The following RNF130 variants were observed in gnomAD, a reference collection of about 807,000 sequenced individuals.
RNF130 encodes ring finger protein 130, also known as E3 ubiquitin-protein ligase RNF130.
Under a neutral mutation model 44.6 loss-of-function variants are expected in RNF130, and 21 were observed. That is an observed-to-expected ratio of 0.47 (90% CI 0.33 to 0.68). The LOEUF (loss-of-function observed/expected upper bound fraction) is 0.68. Among genes scored for constraint, RNF130 ranks in the 30% least tolerant of loss-of-function variants. The pLI is 0.02. For synonymous variants in RNF130, 214 were observed against 210.4 expected (o/e 1.02, Z -0.15); for missense variants, 479 against 560.6 (o/e 0.85, Z 1.47).
intron 7 of RNF130, chr5:179,939,952 C>T (rs1351425759): frequency 4.7e-5 from 9 of 191,518 alleles, no homozygotes; most frequent in South Asian, 1.8e-4. Flanking sequence ...ATAAACGTCC[C>T]TTTTTTTTTT....
At position 180,071,483 on chromosome 5, in the gene RNF130, C is replaced by T. The variant is rs1246674132; in HGVS notation, c.220G>A (p.Val74Met). The T allele has an allele frequency of 8.0e-7, 1 of 1,254,444 alleles. No homozygotes were observed. The highest frequency in any genetic ancestry group is 3.1e-5 in the East Asian group (1 of 31,944). The allele number at this position is 1,254,444 out of a possible 1,614,324, so 77.7% of individuals were successfully genotyped here. Residue 74 changes from valine (V) to methionine (M), a missense_variant, in exon 1 of 9, where the codon GTG becomes ATG. Physicochemically the swap from Val to Met is conservative, Grantham distance 21. Around this residue, in one of 3 missense-constraint regions of RNF130, gnomAD observed 138 missense variants for 126.9 expected, o/e 1.09. Transcript: ENST00000521389. ...CCGTGGAGGGGCAGCGGCGCCAGCA[C>T]CTGGCCGCGGACCTCGGCCTTGGGG... Reference protein sequence around the residue: ...DSPKAEVRGQVLAPLPLHGVA... With the variant: ...DSPKAEVRGQMLAPLPLHGVA...
intron 3 of RNF130, among the ~76,000 whole-genome samples, chr5:180,003,563 T>C (rs548294501): frequency 1.4e-4 from 22 of 152,250 alleles, no homozygotes; most frequent in Non-Finnish European, 2.6e-4. Flanking sequence ...GAATTATCCT[T>C]TGAGTTTTTA....
At chr5:179,989,492 A>G (rs1763029896) in intron 3 of RNF130, among the ~76,000 whole-genome samples, 1 of 152,108 alleles carries the variant, frequency 6.6e-6, no homozygotes, top group African/African-American at 2.4e-5. Context: ...TGATCCCTTC[A>G]CTATTATCTA....
chr5:179,987,640 C>G (rs145453915), intron 3 of RNF130, among the ~76,000 whole-genome samples: 4 of 152,198 alleles, frequency 2.6e-5, no homozygotes, highest in African/African-American at 9.7e-5. Context: ...GTATCTTTCA[C>G]TATATTGAAG....
chr5:180,012,588 C>T (rs900027468), intron 3 of RNF130, among the ~76,000 whole-genome samples: 2 of 152,196 alleles, frequency 1.3e-5, no homozygotes, highest in African/African-American at 4.8e-5. Flanking sequence ...CTCACCCTTA[C>T]CCCATGTCTG....
intron 1 of RNF130, among the ~76,000 whole-genome samples, chr5:180,052,480 C>T (rs1764709696): frequency 6.6e-6 from 1 of 152,198 alleles, no homozygotes; most frequent in African/African-American, 2.4e-5. Flanking sequence ...CAGAGCAGCG[C>T]CTGAAGGCAC....
chr5:179,966,731 T>G, intron 7 of RNF130, 75 bp downstream of exon 7: 1 of 1,354,894 alleles, frequency 7.4e-7, no homozygotes, highest in Non-Finnish European at 1.0e-6. Flanking sequence ...GGCGAGTGCC[T>G]TGACTCTCCT....
intron 5 of RNF130, among the ~76,000 whole-genome samples, chr5:179,971,979 C>A (rs1762596460): frequency 6.6e-6 from 1 of 152,164 alleles, no homozygotes; most frequent in African/African-American, 2.4e-5. Context: ...AATTCACAGA[C>A]AATGAAATAA....
chr5:180,071,473 G>A lies in RNF130; in HGVS notation c.230C>T (p.Pro77Leu). ...GCACTCACCTCCGTGGAGGGGCAGC[G>A]GCGCCAGCACCTGGCCGCGGACCTC... ...KAEVRGQVLA[P>L]LPLHGVADHL... Residue 77 changes from proline to leucine, a missense_variant, in exon 1 of 9, where the codon CCG becomes CTG. This residue lies in a region of RNF130 where 138 missense variants were observed against 126.9 expected (regional missense o/e 1.09). Transcript: ENST00000521389. 1.6e-6 allele frequency: 2 copies of A among 1,246,816 alleles called. No homozygotes were observed. Among genetic ancestry groups the A allele is most frequent in the Non-Finnish European group, 2.0e-6 (2 of 993,704 alleles). 77.2% of individuals were successfully genotyped at this position (1,246,816 alleles called of 1,614,324 possible).
chr5:180,030,964 C>T (rs1324229146), intron 2 of RNF130, among the ~76,000 whole-genome samples: 7 of 152,142 alleles, frequency 4.6e-5, no homozygotes, highest in African/African-American at 1.4e-4. Flanking sequence ...CAAGACCAAC[C>T]GTCCTCTTCC....
downstream of RNF130, among the ~76,000 whole-genome samples, chr5:179,952,247 A>G (rs1284517612): frequency 6.6e-6 from 1 of 152,180 alleles, no homozygotes; most frequent in African/African-American, 2.4e-5. Flanking sequence ...AATAGAGAAT[A>G]GAAGAGAGAA....
At chr5:179,991,331 T>C (rs531098863) in intron 3 of RNF130, among the ~76,000 whole-genome samples, 2 of 152,366 alleles carry the variant, frequency 1.3e-5, no homozygotes, top group Admixed American at 6.5e-5. Flanking sequence ...TGAAGTCCTT[T>C]TGCAATGTAT....
At chr5:179,914,342 G>A (rs985667242) in exon 8 of RNF130, 2 of 152,200 alleles carry the variant, frequency 1.3e-5, no homozygotes, top group African/African-American at 2.4e-5. Flanking sequence ...CTCTGCTTCC[G>A]GGTGACACTG....
intron 1 of RNF130, among the ~76,000 whole-genome samples, chr5:180,054,540 T>G (rs866552276): frequency 6.6e-5 from 10 of 152,344 alleles, no homozygotes; most frequent in East Asian, 1.9e-4. Flanking sequence ...CTGGGCACCC[T>G]TCTCAAAAAT....
intron 2 of RNF130, among the ~76,000 whole-genome samples, chr5:180,023,116 A>G (rs1449320015): frequency 2.0e-5 from 3 of 152,236 alleles, no homozygotes; most frequent in Admixed American, 1.3e-4. Context: ...GAGTTTAGTG[A>G]TAAGAAAGGA....
At chr5:180,050,844 G>C (rs774979467) in intron 1 of RNF130, among the ~76,000 whole-genome samples, 2 of 152,318 alleles carry the variant, frequency 1.3e-5, no homozygotes, top group Middle Eastern at 6.8e-3. Flanking sequence ...GTTTCACTCT[G>C]TCGCCCAGGG....
At chr5:179,922,817 C>T (rs1761653778) in intron 7 of RNF130, among the ~76,000 whole-genome samples, 1 of 151,724 alleles carries the variant, frequency 6.6e-6, no homozygotes, top group Non-Finnish European at 1.5e-5. Flanking sequence ...ACCTGTAGTC[C>T]CAGCTACTTG....
Position 179,929,215 on chromosome 5 carries a change from G to A in RNF130, c.1151-8789C>T, listed in dbSNP as rs1296342168. Among the ~76,000 whole-genome samples, 7 of 152,104 alleles carry A rather than the reference G, an allele frequency of 4.6e-5. No individual in the cohort carries two copies. The East Asian group carries it at 1.2e-3, about 25-fold the overall frequency. ...AGTGGAGCCAGCACCATCTTGAAAA[G>A]ACCATTCTTACCCCACGGCTTGTGC... On this transcript the variant is annotated intron_variant, in intron 7 of 7. Transcript: ENST00000522208.
At chr5:179,992,427 C>T (rs1358658251) in intron 3 of RNF130, among the ~76,000 whole-genome samples, 2 of 152,246 alleles carry the variant, frequency 1.3e-5, no homozygotes, top group African/African-American at 2.4e-5. Context: ...CAGGCGTGAG[C>T]CACCACGCCC....
Sources: allele counts gnomAD v4.1 joint callset (sites outside exome capture counted in the v4.1 genomes callset), GRCh38; gene constraint gnomAD v4.1.1; regional missense constraint gnomAD v4.1.1; transcripts MANE v1.5; gene names NCBI Gene and HGNC (gene_info 2026-07-23, HGNC 2026-07-21).